KCTD8: variants seen among roughly 807,000 people sequenced by gnomAD.
The protein encoded by KCTD8 is BTB/POZ domain-containing protein KCTD8.
KCTD8 carries 27 observed loss-of-function variants against 31.5 expected under a neutral mutation model. The observed-to-expected ratio is 0.86, with a 90% CI of 0.63 to 1.18. KCTD8 has a LOEUF of 1.18. KCTD8 is among the 50% of genes most tolerant of loss of function. The pLI, the probability that KCTD8 is intolerant of heterozygous loss-of-function variation, is 0.00. For missense variants in KCTD8, 658 were observed against 647.7 expected, an observed-to-expected ratio of 1.02 and a Z score of -0.17; for synonymous variants, 290 against 280.0, an observed-to-expected ratio of 1.04 and a Z score of -0.36.
chr4:44,292,433 G>T (rs1481707125), intron 1 of KCTD8, among the ~76,000 whole-genome samples: 1 of 151,982 alleles, frequency 6.6e-6, no homozygotes, highest in African/African-American at 2.4e-5. Flanking sequence ...GACTACACAT[G>T]GACATAAAGA....
At chr4:44,176,292 C>T (rs1713212762) in intron 1 of KCTD8, among the ~76,000 whole-genome samples, 1 of 152,158 alleles carries the variant, frequency 6.6e-6, no homozygotes, top group Non-Finnish European at 1.5e-5. Context: ...TTGAGAACAA[C>T]TGGTCTAATT....
chr4:44,322,399 T>C (rs1262803098), intron 1 of KCTD8, among the ~76,000 whole-genome samples: 1 of 152,100 alleles, frequency 6.6e-6, no homozygotes, highest in Admixed American at 6.5e-5. Flanking sequence ...TGTCTTCTTT[T>C]GAGAAATGTC....
At chr4:44,392,271 T>C (rs1720394040) in intron 1 of KCTD8, among the ~76,000 whole-genome samples, 1 of 152,016 alleles carries the variant, frequency 6.6e-6, no homozygotes, top group African/African-American at 2.4e-5. Flanking sequence ...GAATTAGTCC[T>C]CTAAGTCAAC....
chr4:44,394,697 T>C (rs16856869), intron 1 of KCTD8, among the ~76,000 whole-genome samples: 8,762 of 152,034 alleles, frequency 0.058, 834 homozygotes, highest in African/African-American at 0.2. Flanking sequence ...AGGTGAAGCA[T>C]TACATCTAGG....
chr4:44,431,594 A>C (rs1032647324), intron 1 of KCTD8, among the ~76,000 whole-genome samples: 2 of 151,550 alleles, frequency 1.3e-5, no homozygotes, highest in Non-Finnish European at 3.0e-5. Flanking sequence ...ACAACAACAA[A>C]AAAAACCTTA....
chr4:44,403,784 C>G (rs7664300), intron 1 of KCTD8, among the ~76,000 whole-genome samples: 1 of 151,962 alleles, frequency 6.6e-6, no homozygotes, highest in Non-Finnish European at 1.5e-5. Flanking sequence ...TTTGAGAGAA[C>G]ACAATTCAGC....
intron 1 of KCTD8, among the ~76,000 whole-genome samples, chr4:44,374,783 G>T (rs1719877385): frequency 1.3e-5 from 2 of 152,176 alleles, no homozygotes; most frequent in African/African-American, 2.4e-5. Flanking sequence ...TATGCGTGTG[G>T]TTCATGCTCC....
intron 1 of KCTD8, among the ~76,000 whole-genome samples, chr4:44,287,527 G>A (rs1717129416): frequency 2.0e-5 from 3 of 152,196 alleles, no homozygotes; most frequent in Admixed American, 2.0e-4. Context: ...TCTATCTCAA[G>A]GACTCTAGCA....
chr4:44,426,237 CCA>C (rs1320481461), intron 1 of KCTD8, among the ~76,000 whole-genome samples: 3 of 151,352 alleles, frequency 2.0e-5, no homozygotes, highest in Admixed American at 6.6e-5. Flanking sequence ...TCTAAAAAGG[CCA>C]CAGAGGAAAC....
chr4:44,437,115 A>G (rs1191445029), intron 1 of KCTD8, among the ~76,000 whole-genome samples: 4 of 148,832 alleles, frequency 2.7e-5, no homozygotes, highest in Non-Finnish European at 4.4e-5. Context: ...AGCCTGGGTT[A>G]TTTAACCCTT....
At chr4:44,220,644 T>C (rs1714781013) in intron 1 of KCTD8, among the ~76,000 whole-genome samples, 1 of 152,144 alleles carries the variant, frequency 6.6e-6, no homozygotes, top group African/African-American at 2.4e-5. Context: ...GGCTTCTTAG[T>C]ATTGAACAGA....
chr4:44,447,935 C>G lies in KCTD8; in HGVS notation c.589G>C (p.Gly197Arg). 4 of 1,450,830 alleles carry G rather than the reference C, an allele frequency of 2.8e-6. No homozygotes were observed. Among genetic ancestry groups the G allele is most frequent in the Non-Finnish European group, 3.6e-6 (4 of 1,100,712 alleles). The allele number at this position is 1,450,830 out of a possible 1,614,324, so 89.9% of individuals were successfully genotyped here. Reference sequence around the variant, plus strand: ...CGCTTGTCCTGCGCGCCGCCGCCGCCGCCACCACCGTGCGCTCCCGGGCCC... The same window carrying G: ...CGCTTGTCCTGCGCGCCGCCGCCGCGGCCACCACCGTGCGCTCCCGGGCCC... The part of the protein sequence containing the change: ...PSGPGAHGGG[G>R]GGGAQDKRSG... The change falls in exon 1 of 2, where the codon GGC (glycine) becomes CGC (arginine). Residue 197 changes from glycine to arginine, a missense_variant. Gly to Arg is a moderately radical substitution (Grantham distance 125). Coordinates refer to ENST00000360029, the MANE Select transcript of KCTD8 (RefSeq NM_198353.3).
At chr4:44,179,449 A>G (rs980058858) in intron 1 of KCTD8, among the ~76,000 whole-genome samples, 19 of 150,040 alleles carry the variant, frequency 1.3e-4, no homozygotes, top group Admixed American at 6.7e-5. Flanking sequence ...ATAGTTATAC[A>G]CATTAATTAG....
chr4:44,305,981 T>A (rs758798834), intron 1 of KCTD8, among the ~76,000 whole-genome samples: 1 of 151,762 alleles, frequency 6.6e-6, no homozygotes, highest in Non-Finnish European at 1.5e-5. Context: ...CTAGATAGAA[T>A]TAATGAAAAT....
At chr4:44,227,219 A>G (rs1265332710) in intron 1 of KCTD8, among the ~76,000 whole-genome samples, 2 of 152,264 alleles carry the variant, frequency 1.3e-5, no homozygotes, top group African/African-American at 2.4e-5. Flanking sequence ...TTTTTGTATA[A>G]GGTATAAGGA....
chr4:44,291,227 T>C (rs1717263189), intron 1 of KCTD8, among the ~76,000 whole-genome samples: 2 of 152,050 alleles, frequency 1.3e-5, no homozygotes, highest in Non-Finnish European at 2.9e-5. Context: ...GATACATTCC[T>C]GGAAACACAA....
intron 1 of KCTD8, among the ~76,000 whole-genome samples, chr4:44,188,631 C>A (rs1203432713): frequency 6.6e-6 from 1 of 152,022 alleles, no homozygotes; most frequent in African/African-American, 2.4e-5. Context: ...TTAAGGATTT[C>A]GAGATGGTGA....
chr4:44,419,132 G>T (rs951081697), intron 1 of KCTD8, among the ~76,000 whole-genome samples: 1 of 152,112 alleles, frequency 6.6e-6, no homozygotes, highest in African/African-American at 2.4e-5. Context: ...GAGTCACTAG[G>T]TAGCAAACCC....
In KCTD8 at chr4:44,301,742, T is replaced by C. The variant is rs564032583; in HGVS notation, c.962-126492A>G. Among the ~76,000 whole-genome samples the C allele has an allele frequency of 4.6e-3, 694 of 152,338 alleles. 3 individuals carry two copies. Among genetic ancestry groups the C allele is most frequent in the Non-Finnish European group, 7.2e-3 (489 of 68,030 alleles). The stretch of plus-strand genomic sequence containing the variant: ...TTTAATTAGATCCCATTTGTCAATT[T>C]TGGCTTTTGTTGCCATTGCTTTTGG... On this transcript the variant is annotated intron_variant, in intron 1 of 1. Coordinates refer to ENST00000360029, the MANE Select transcript of KCTD8 (RefSeq NM_198353.3).
Sources: allele counts gnomAD v4.1 joint callset (sites outside exome capture counted in the v4.1 genomes callset), GRCh38; gene constraint gnomAD v4.1.1; transcripts MANE v1.5; gene names NCBI Gene and HGNC (gene_info 2026-07-23, HGNC 2026-07-21).